ZFYVE26: variants seen among roughly 807,000 people sequenced by gnomAD.
ZFYVE26 encodes the protein zinc finger FYVE domain-containing protein 26.
In ZFYVE26, 181 loss-of-function variants were observed where a neutral mutation model predicts 276.5. The ratio of observed to expected loss-of-function variants is 0.65; its 90% confidence interval spans 0.58 to 0.74. The LOEUF (loss-of-function observed/expected upper bound fraction) is 0.74. ZFYVE26 is among the 30% of genes least tolerant of loss of function. The probability of loss-of-function intolerance (pLI) is 0.00; values close to 1 mark genes in which losing one functional copy is unlikely to be tolerated. For missense variants in ZFYVE26, 2,821 were observed against 3,097.9 expected (o/e 0.91, Z 2.12); for synonymous variants, 1,129 against 1,203.1 (o/e 0.94, Z 1.27).
chr14:67,764,770 C>T (rs115870935), intron 32 of ZFYVE26, among the ~76,000 whole-genome samples: 2,820 of 152,172 alleles, frequency 0.019, 61 homozygotes, highest in East Asian at 0.079. Context: ...CTGTCAAAGA[C>T]GCGCAAGACA....
intron 16 of ZFYVE26, among the ~76,000 whole-genome samples, chr14:67,786,803 G>A (rs534832580): frequency 2.0e-5 from 3 of 152,332 alleles, no homozygotes; most frequent in Admixed American, 2.0e-4. Flanking sequence ...TCCATCAGTG[G>A]ATGAATGGAT....
intron 9 of ZFYVE26, among the ~76,000 whole-genome samples, chr14:67,803,023 T>C (rs990480022): frequency 6.6e-6 from 1 of 152,184 alleles, no homozygotes; most frequent in African/African-American, 2.4e-5. Context: ...TCACTTGTAT[T>C]CCCAAAATAG....
rs748638700 is a variant in ZFYVE26 at position 67,762,764 on chromosome 14, C to T, written c.6067G>A (p.Val2023Met). 1.2e-5 allele frequency: 20 copies of T among 1,614,066 alleles called. No homozygotes were observed. Among genetic ancestry groups the T allele is most frequent in the South Asian group, 3.3e-5 (3 of 91,092 alleles). The change falls in exon 33 of 42, where the codon GTG (valine) becomes ATG (methionine). Residue 2023 changes from valine (V) to methionine (M), a missense_variant. Transcript: ENST00000347230. The part of the protein sequence containing the change: ...NILVAAAYRH[V>M]PSLDQILQPA... Reference sequence around the variant, plus strand: ...TGCAAGATCTGATCCAAAGATGGCACGTGGCGATAGGCAGCAGCAACTAAA... The same window carrying T: ...TGCAAGATCTGATCCAAAGATGGCATGTGGCGATAGGCAGCAGCAACTAAA...
At chr14:67,813,480 G>GT (rs138548542) in intron 3 of ZFYVE26, among the ~76,000 whole-genome samples, 36 of 148,114 alleles carry the variant, frequency 2.4e-4, no homozygotes, top group Non-Finnish European at 3.3e-4. Context: ...TCCTTACCAG[G>GT]TTTTTTTTTT....
At chr14:67,758,091 A>C (rs867876940) in intron 35 of ZFYVE26, among the ~76,000 whole-genome samples, 1 of 152,186 alleles carries the variant, frequency 6.6e-6, no homozygotes, top group Non-Finnish European at 1.5e-5. Flanking sequence ...CTTGGCATTT[A>C]GACTTGAGGT....
intron 14 of ZFYVE26, chr14:67,729,095 T>C: frequency 8.0e-7 from 1 of 1,251,548 alleles, no homozygotes; most frequent in African/African-American, 1.5e-5. Flanking sequence ...GTTTCCTGAG[T>C]CCCTCCTTCT....
intron 41 of ZFYVE26, among the ~76,000 whole-genome samples, chr14:67,749,960 T>A (rs994295947): frequency 6.6e-6 from 1 of 152,218 alleles, no homozygotes; most frequent in African/African-American, 2.4e-5. Flanking sequence ...TTTAACTGCA[T>A]TAGACAGCTG....
At chr14:67,764,379 G>A (rs2039005662) in intron 32 of ZFYVE26, among the ~76,000 whole-genome samples, 1 of 152,136 alleles carries the variant, frequency 6.6e-6, no homozygotes, top group Non-Finnish European at 1.5e-5. Flanking sequence ...TTTGTAGTAG[G>A]TGGTGAGTTT....
chr14:67,739,384 C>T (rs2038388608), intron 13 of ZFYVE26, among the ~76,000 whole-genome samples: 3 of 152,164 alleles, frequency 2.0e-5, no homozygotes, highest in African/African-American at 7.2e-5. Flanking sequence ...TGGAGCTGTG[C>T]TCCCTTGGGA....
At chr14:67,757,080 T>C (rs908572155) in intron 35 of ZFYVE26, among the ~76,000 whole-genome samples, 19 of 152,158 alleles carry the variant, frequency 1.2e-4, no homozygotes, top group Admixed American at 1.1e-3. Flanking sequence ...CCATCACCAT[T>C]ACAGCACACA....
rs1206670593 is a variant in ZFYVE26 at position 67,799,480 on chromosome 14, A to G, written c.1640-858T>C. On this transcript the variant is annotated intron_variant, in intron 10 of 41. Transcript: ENST00000347230. ...ATGAAGGCGTGGATAGCCTGAAGGC[A>G]GCCATTCAGAGCAGACAAAAGGATC... 3.7e-6 allele frequency: 6 copies of G among 1,609,750 alleles called. No individual in the cohort carries two copies. The African/African-American group carries it at 8.0e-5, about 22-fold the overall frequency.
Position 67,754,130 on chromosome 14 carries a change from T to C in ZFYVE26, c.7069A>G (p.Thr2357Ala), listed in dbSNP as rs1215287712. 1.9e-6 allele frequency: 3 copies of C among 1,614,156 alleles called. No homozygotes were observed. The African/African-American group carries it at 4.0e-5, about 22-fold the overall frequency. Residue 2357 changes from threonine (T) to alanine (A), a missense_variant, in exon 38 of 42, where the codon ACT becomes GCT. Thr to Ala is a moderately conservative substitution (Grantham distance 58). Transcript: ENST00000347230. ...CESAGTSQIT[T>A]LPLPTLFGNN... ...CCAAACAGGGTTGGCAGAGGCAAAGTGGTGATTTGAGAGGTCCCAGCACTT... is the reference window on the plus strand; with the variant it reads ...CCAAACAGGGTTGGCAGAGGCAAAGCGGTGATTTGAGAGGTCCCAGCACTT...
chr14:67,766,892 G>A (rs944894688), intron 31 of ZFYVE26, among the ~76,000 whole-genome samples: 2 of 151,806 alleles, frequency 1.3e-5, no homozygotes, highest in African/African-American at 4.8e-5. Flanking sequence ...TTGTAGAGAC[G>A]GGGATTTCAC....
At chr14:67,812,891 A>G (rs1434026172) in intron 3 of ZFYVE26, among the ~76,000 whole-genome samples, 1 of 152,204 alleles carries the variant, frequency 6.6e-6, no homozygotes, top group Non-Finnish European at 1.5e-5. Flanking sequence ...TTTCTCTTTT[A>G]AATCTGAAAC....
intron 4 of ZFYVE26, among the ~76,000 whole-genome samples, chr14:67,808,514 C>A (rs1343824027): frequency 6.6e-6 from 1 of 151,928 alleles, no homozygotes; most frequent in African/African-American, 2.4e-5. Context: ...CACCTAAAAG[C>A]AAGAACCTCT....
intron 31 of ZFYVE26, 23 bp from the exon 32 acceptor site, chr14:67,766,470 G>T: frequency 6.2e-7 from 1 of 1,609,236 alleles, no homozygotes; most frequent in South Asian, 1.1e-5. Context: ...GAAGAAGGGA[G>T]AACACACGGT....
At chr14:67,803,981 C>G (rs771577112) in intron 9 of ZFYVE26, 120 bp downstream of exon 9, 1 of 1,356,154 alleles carries the variant, frequency 7.4e-7, no homozygotes, top group Non-Finnish European at 1.0e-6. Flanking sequence ...TTAGAGGAGA[C>G]CTCCTCACCA....
In ZFYVE26 at chr14:67,798,242, C is replaced by T; in HGVS notation, c.2020G>A (p.Gly674Ser). The T allele has an allele frequency of 6.2e-7, 1 of 1,614,188 alleles. No homozygotes were observed. Among genetic ancestry groups the T allele is most frequent in the Middle Eastern group, 1.6e-4 (1 of 6,062 alleles). ...SFLDLKHFTS[G>S]ISGFLADEFA... The stretch of plus-strand genomic sequence containing the variant: ...TCATCAGCCAGAAATCCACTGATAC[C>T]ACTAGTAAAGTGTTTTAAGTCCAAA... Residue 674 changes from glycine (G) to serine (S), a missense_variant, in exon 11 of 42, where the codon GGT (glycine) becomes AGT (serine). Transcript: ENST00000347230.
chr14:67,800,924 T>TATAAATAAATAA (rs148005245), intron 10 of ZFYVE26, among the ~76,000 whole-genome samples: 33 of 148,726 alleles, frequency 2.2e-4, no homozygotes, highest in African/African-American at 8.0e-4. Context: ...AAAGTTACCG[T>TATAAATAAATAA]ATAAATAAAT....
Sources: gnomAD v4.1 joint callset for allele counts (sites outside exome capture counted in the v4.1 genomes callset) on GRCh38, gnomAD v4.1.1 for gene constraint, MANE v1.5 for transcripts, NCBI Gene and HGNC (gene_info 2026-07-23, HGNC 2026-07-21) for gene names.